The following HOMER2 variants were observed in gnomAD, a reference collection of about 807,000 sequenced individuals.
The protein encoded by HOMER2 is homer protein homolog 2.
Under a neutral mutation model 47.0 loss-of-function variants are expected in HOMER2, and 27 were observed. The observed-to-expected ratio is 0.57, with a 90% CI of 0.42 to 0.79. The LOEUF is 0.79. HOMER2 is among the 30% of genes least tolerant of loss of function. HOMER2 has a pLI of 0.00. For synonymous variants in HOMER2, 161 were observed against 163.8 expected (o/e 0.98, Z 0.13); for missense variants, 443 against 435.0 (o/e 1.02, Z -0.16).
intron 1 of HOMER2, among the ~76,000 whole-genome samples, chr15:82,919,141 T>C (rs1209391894): frequency 1.3e-5 from 2 of 152,172 alleles, no homozygotes; most frequent in Admixed American, 1.3e-4. Flanking sequence ...CATGTGTCCG[T>C]GACACTAAAA....
intron 2 of HOMER2, among the ~76,000 whole-genome samples, chr15:82,891,564 G>A: frequency 6.6e-6 from 1 of 152,240 alleles, no homozygotes; most frequent in East Asian, 1.9e-4. Context: ...TTCTGTTTGT[G>A]GAGTGTGGGG....
chr15:82,882,121 G>A (rs561072613), intron 2 of HOMER2, among the ~76,000 whole-genome samples: 1 of 152,334 alleles, frequency 6.6e-6, no homozygotes, highest in East Asian at 1.9e-4. Flanking sequence ...TGTGCCACAT[G>A]GTTTATAGCA....
At chr15:82,889,100 G>A (rs1386361009) in intron 2 of HOMER2, among the ~76,000 whole-genome samples, 1 of 152,142 alleles carries the variant, frequency 6.6e-6, no homozygotes, top group East Asian at 1.9e-4. Flanking sequence ...CAGGACTCAG[G>A]CACTAGACCT....
At chr15:82,957,181 G>T (rs1283089197), upstream of HOMER2, among the ~76,000 whole-genome samples, 1 of 151,962 alleles carries the variant, frequency 6.6e-6, no homozygotes, top group East Asian at 1.9e-4. Context: ...GGAGGCTGAG[G>T]CAGGAGAATC....
chr15:82,904,734 A>T (rs1367490302), intron 1 of HOMER2, among the ~76,000 whole-genome samples: 2 of 152,146 alleles, frequency 1.3e-5, no homozygotes, highest in African/African-American at 4.8e-5. Context: ...CAGGTGCACA[A>T]ACTCACCTAA....
At chr15:82,877,802 G>C (rs1458839156) in intron 2 of HOMER2, among the ~76,000 whole-genome samples, 2 of 152,174 alleles carry the variant, frequency 1.3e-5, no homozygotes, top group Non-Finnish European at 2.9e-5. Flanking sequence ...GAAGTCAAGA[G>C]ATCTGTCTAC....
At chr15:82,863,301 C>G (rs1456688270) in intron 4 of HOMER2, among the ~76,000 whole-genome samples, 7 of 152,196 alleles carry the variant, frequency 4.6e-5, no homozygotes, top group Non-Finnish European at 7.3e-5. Context: ...CAAGCCAACC[C>G]TCTCAGGTGA....
chr15:82,869,185 C>T (rs998984011), intron 3 of HOMER2, among the ~76,000 whole-genome samples: 1 of 152,148 alleles, frequency 6.6e-6, no homozygotes, highest in Admixed American at 6.5e-5. Flanking sequence ...TCTTCTACCA[C>T]CAACTCACCC....
At position 82,849,409 on chromosome 15, in the gene HOMER2, A is replaced by G. The variant is rs533322105; in HGVS notation, c.*306T>C. The G allele has an allele frequency of 9.0e-6, 3 of 331,774 alleles. No individual in the cohort carries two copies. The South Asian group carries it at 2.2e-4, about 25-fold the overall frequency. The allele number at this position is 331,774 out of a possible 1,614,324, so 20.6% of individuals were successfully genotyped here. On this transcript the variant is annotated 3_prime_UTR_variant, in exon 9 of 9. Transcript: ENST00000450735. Reference sequence around the variant, plus strand: ...TACAAAATGCGTGTTTTTTCAGTTCATATGGTTGCAACAGCCCTTATGAAA... The same window carrying G: ...TACAAAATGCGTGTTTTTTCAGTTCGTATGGTTGCAACAGCCCTTATGAAA...
At chr15:82,969,061 G>A (rs1185859300) in intron 1 of HOMER2, among the ~76,000 whole-genome samples, 1 of 152,210 alleles carries the variant, frequency 6.6e-6, no homozygotes, top group Non-Finnish European at 1.5e-5. Context: ...GATTCTCATT[G>A]AGGAAATTCA....
At chr15:82,839,075 A>G (rs753573885) in exon 2 of HOMER2, 5 of 150,526 alleles carry the variant, frequency 3.3e-5, no homozygotes, top group South Asian at 2.1e-4. Flanking sequence ...CCTGGAAAAC[A>G]TGGCGGGACT....
intron 1 of HOMER2, among the ~76,000 whole-genome samples, chr15:82,960,607 A>G (rs1468841442): frequency 1.3e-5 from 2 of 152,228 alleles, no homozygotes; most frequent in African/African-American, 4.8e-5. Flanking sequence ...ACAAAAACAA[A>G]CAAAAAGCAA....
intron 5 of HOMER2, among the ~76,000 whole-genome samples, chr15:82,855,343 A>C (rs964042687): frequency 3.3e-5 from 5 of 150,622 alleles, no homozygotes; most frequent in Non-Finnish European, 7.4e-5. Context: ...AAAAAAAAAA[A>C]AAAAAAGAAA....
chr15:82,967,657 C>T (rs535199358), intron 1 of HOMER2, among the ~76,000 whole-genome samples: 4 of 152,144 alleles, frequency 2.6e-5, no homozygotes, highest in African/African-American at 9.6e-5. Flanking sequence ...GGGTGGATCA[C>T]GAGGTCAGGA....
chr15:82,873,469 C>T (rs116907258), intron 3 of HOMER2, among the ~76,000 whole-genome samples: 1,613 of 152,296 alleles, frequency 0.011, 7 homozygotes, highest in Non-Finnish European at 0.016. Flanking sequence ...TCCCAGGTAC[C>T]GTATCAGCCA....
chr15:82,879,776 T>C (rs1027310831), intron 2 of HOMER2, among the ~76,000 whole-genome samples: 1 of 152,206 alleles, frequency 6.6e-6, no homozygotes, highest in African/African-American at 2.4e-5. Flanking sequence ...TTGGTTGATT[T>C]TTCCTTTCAC....
chr15:82,971,908 C>A (rs528802494), intron 1 of HOMER2, among the ~76,000 whole-genome samples: 5 of 152,290 alleles, frequency 3.3e-5, no homozygotes, highest in Admixed American at 1.3e-4. Flanking sequence ...ATCATTAACT[C>A]CTGCCCTTAA....
At chr15:82,976,928 G>A (rs969729822) in intron 1 of HOMER2, among the ~76,000 whole-genome samples, 3 of 151,634 alleles carry the variant, frequency 2.0e-5, no homozygotes, top group Admixed American at 1.3e-4. Context: ...TGCCCCCCTC[G>A]GCCTCCCAAA....
intron 1 of HOMER2, among the ~76,000 whole-genome samples, chr15:82,911,653 C>G (rs997096410): frequency 6.6e-6 from 1 of 152,110 alleles, no homozygotes; most frequent in Non-Finnish European, 1.5e-5. Flanking sequence ...TGTGTGTGTT[C>G]CAATAAAACT....
Sources: allele counts gnomAD v4.1 joint callset (sites outside exome capture counted in the v4.1 genomes callset), GRCh38; gene constraint gnomAD v4.1.1; transcripts MANE v1.5; gene names NCBI Gene and HGNC (gene_info 2026-07-23, HGNC 2026-07-21).